PRMT3: variants seen among roughly 807,000 people sequenced by gnomAD.
PRMT3 encodes the protein protein arginine methyltransferase 3.
Under a neutral mutation model 71.9 loss-of-function variants are expected in PRMT3, and 62 were observed. The observed-to-expected ratio is 0.86, with a 90% confidence interval of 0.70 to 1.07. The LOEUF (loss-of-function observed/expected upper bound fraction) is 1.07. Ranked by LOEUF, PRMT3 falls within the 50% of genes least tolerant of loss-of-function variation. The probability of loss-of-function intolerance (pLI) is 0.00; values close to 1 mark genes in which losing one functional copy is unlikely to be tolerated. For missense variants in PRMT3, 663 were observed against 643.0 expected (o/e 1.03, Z -0.34); for synonymous variants, 213 against 220.4 (o/e 0.97, Z 0.30).
At position 20,389,784 on chromosome 11, in the gene PRMT3, T is replaced by C. The variant is rs756883748; in HGVS notation, c.205T>C (p.Ser69Pro). 1.7e-5 allele frequency: 27 copies of C among 1,612,584 alleles called. No individual in the cohort carries two copies. The East Asian group carries it at 3.6e-4, about 21-fold the overall frequency. Residue 69 changes from serine to proline, a missense_variant, in exon 3 of 16, where the codon TCT becomes CCT. Transcript: ENST00000331079. Reference protein sequence around the residue: ...SAEETFSHCKSEHQFNIDSMV... With the variant: ...SAEETFSHCKPEHQFNIDSMV... ...TGAAGAAACATTTTCACACTGTAAG[T>C]CTGAGCATCAGTTTAATATTGACAG...
rs188974160 is a variant in PRMT3 at position 20,447,365 on chromosome 11, G to A, written c.994-4765G>A. The stretch of plus-strand genomic sequence containing the variant: ...TGGGTTGGGTGGGGACAATGGTGCC[G>A]GTGAGTAGAGCCCAGGAATGCTGCT... On this transcript the variant is annotated intron_variant, in intron 10 of 15. Transcript: ENST00000331079. Among the ~76,000 whole-genome samples, 113 of 152,096 alleles carry A rather than the reference G, an allele frequency of 7.4e-4. 1 individual carries two copies. The highest frequency in any genetic ancestry group is 2.5e-3 in the African/African-American group (105 of 41,500).
At chr11:20,453,949 A>G (rs1427033751) in intron 11 of PRMT3, among the ~76,000 whole-genome samples, 3 of 152,196 alleles carry the variant, frequency 2.0e-5, no homozygotes, top group African/African-American at 7.2e-5. Flanking sequence ...AACATGGAGC[A>G]TTTCAGATTT....
At chr11:20,399,704 T>A (rs981780678) in intron 7 of PRMT3, among the ~76,000 whole-genome samples, 1 of 152,186 alleles carries the variant, frequency 6.6e-6, no homozygotes, top group Non-Finnish European at 1.5e-5. Flanking sequence ...TTGAGTGTTG[T>A]GAGTACAATC....
chr11:20,477,504 C>T (rs1407889172), intron 13 of PRMT3, among the ~76,000 whole-genome samples: 3 of 151,542 alleles, frequency 2.0e-5, no homozygotes, highest in Admixed American at 6.6e-5. Context: ...TCCAATGAGC[C>T]GACATAGCAC....
At chr11:20,436,991 A>G (rs796964322) in intron 10 of PRMT3, among the ~76,000 whole-genome samples, 2 of 152,110 alleles carry the variant, frequency 1.3e-5, no homozygotes, top group African/African-American at 4.8e-5. Flanking sequence ...TCCTGGTTCA[A>G]TCTTGGTAGG....
At chr11:20,473,799 G>A (rs537135653) in intron 13 of PRMT3, among the ~76,000 whole-genome samples, 2 of 152,040 alleles carry the variant, frequency 1.3e-5, no homozygotes, top group South Asian at 4.1e-4. Context: ...CCTTGCTGGA[G>A]AGGTGTTGCA....
At chr11:20,508,231 A>C in intron 15 of PRMT3, 73 bp from the exon 16 acceptor site, 2 of 710,722 alleles carry the variant, frequency 2.8e-6, no homozygotes. Context: ...AAGAAGTGCT[A>C]GTTATACATT....
chr11:20,472,140 T>G (rs1850661738), intron 13 of PRMT3, among the ~76,000 whole-genome samples: 1 of 152,212 alleles, frequency 6.6e-6, no homozygotes, highest in East Asian at 1.9e-4. Context: ...TCATGTCATC[T>G]GCAAACAAAG....
chr11:20,413,681 CTG>C (rs35939190), intron 9 of PRMT3, among the ~76,000 whole-genome samples: 8,963 of 152,188 alleles, frequency 0.059, 370 homozygotes, highest in Middle Eastern at 0.099. Context: ...TCTTGTCAAA[CTG>C]TGACTACTTT....
rs1454471029 is a variant in PRMT3 at position 20,392,921 on chromosome 11, T to A, written c.322T>A (p.Ser108Thr). 6.2e-7 allele frequency: 1 copy of A among 1,601,536 alleles called. No individual in the cohort carries two copies. The highest frequency in any genetic ancestry group is 1.7e-5 in the Admixed American group (1 of 59,940). ...GAATCCTACAGTTGAGTACATGAAT[T>A]CCATATACAACCCAGTGCCTTGGGA... ...LKNPTVEYMN[S>T]IYNPVPWEKE... Residue 108 changes from serine (S) to threonine (T), a missense_variant, in exon 5 of 16, where the codon TCC becomes ACC. Transcript: ENST00000331079.
Position 20,396,833 on chromosome 11 carries a change from G to C in PRMT3, c.561-744G>C. On this transcript the variant is annotated intron_variant, in intron 6 of 15. Transcript: ENST00000331079. Reference sequence around the variant, plus strand: ...TTCTGATTCAGAAGATTGAGAATAGGGCCTGAGATTCTGCATTTCTGACAA... The same window carrying C: ...TTCTGATTCAGAAGATTGAGAATAGCGCCTGAGATTCTGCATTTCTGACAA... Among the ~76,000 whole-genome samples the C allele has an allele frequency of 1.3e-5, 2 of 152,104 alleles. 1 individual carries two copies. The highest frequency in any genetic ancestry group is 2.9e-5 in the Non-Finnish European group (2 of 68,022).
At position 20,452,144 on chromosome 11, in the gene PRMT3, GT is replaced by G; in HGVS notation, c.1011del (p.Phe337LeufsTer5). 6.2e-7 allele frequency: 1 copy of G among 1,607,338 alleles called. No homozygotes were observed. The highest frequency in any genetic ancestry group is 1.1e-5 in the South Asian group (1 of 90,854). Reference protein sequence around the residue: ...ISEWMGYFLLFESMLDSVLYA... With the variant: ...ISEWMGYFLLXESMLDSVLYA... Reference sequence around the variant, plus strand: ...TTTTTATGCAGGGCTATTTTCTTCTGTTTGAGTCTATGTTAGATTCTGTCCT... The same window carrying G: ...TTTTTATGCAGGGCTATTTTCTTCTGTTGAGTCTATGTTAGATTCTGTCCT... On this transcript the variant is annotated frameshift_variant, in exon 11 of 16. Transcript: ENST00000331079. LOFTEE classifies it high-confidence loss of function.
At chr11:20,418,570 C>T (rs1417467054) in intron 9 of PRMT3, among the ~76,000 whole-genome samples, 4 of 152,054 alleles carry the variant, frequency 2.6e-5, no homozygotes, top group Admixed American at 1.3e-4. Context: ...TGGTCTTTTA[C>T]AGAACACAGA....
At position 20,509,043 on chromosome 11, in the gene PRMT3, T is replaced by A. The variant is rs1851665687; in HGVS notation, c.*630T>A. ...GTGACTATTCCTTAGCCTTATAGAT[T>A]TCTAGTACTGCCCAGGAAATCTAAT... On this transcript the variant is annotated 3_prime_UTR_variant, in exon 16 of 16. Transcript: ENST00000331079. 1 of 153,514 alleles carries A rather than the reference T, an allele frequency of 6.5e-6. No homozygotes were observed. The highest frequency in any genetic ancestry group is 2.0e-4 in the South Asian group (1 of 4,900). The allele number at this position is 153,514 out of a possible 1,614,324, so 9.5% of individuals were successfully genotyped here. A position where few individuals can be genotyped will look rare whatever the true frequency, so the allele number is the denominator to read the frequency against.
chr11:20,462,545 T>C lies in PRMT3; in HGVS notation c.1260+378T>C, dbSNP rs534753060. Among the ~76,000 whole-genome samples, 6 of 152,326 alleles carry C rather than the reference T, an allele frequency of 3.9e-5. 1 individual carries two copies. Among genetic ancestry groups the C allele is most frequent in the Admixed American group, 6.5e-5 (1 of 15,300 alleles). On this transcript the variant is annotated intron_variant, in intron 12 of 15. Transcript: ENST00000331079. ...AGCCAGATTATTCATTCGTGTCATATATTCCACACAGTTTAACTTCTCTCA... is the reference window on the plus strand; with the variant it reads ...AGCCAGATTATTCATTCGTGTCATACATTCCACACAGTTTAACTTCTCTCA...
intron 10 of PRMT3, among the ~76,000 whole-genome samples, chr11:20,433,669 G>A (rs1226305050): frequency 6.6e-6 from 1 of 151,996 alleles, no homozygotes; most frequent in Non-Finnish European, 1.5e-5. Context: ...CTCCCAGGCT[G>A]GAGTGCAGTG....
At chr11:20,436,046 AAAG>A (rs1282003750) in intron 10 of PRMT3, among the ~76,000 whole-genome samples, 1 of 152,192 alleles carries the variant, frequency 6.6e-6, no homozygotes, top group African/African-American at 2.4e-5. Flanking sequence ...CTCTTTGTTT[AAAG>A]TTATTCCTAA....
In PRMT3 at chr11:20,395,860, G is replaced by C; in HGVS notation, c.458G>C (p.Ser153Thr). 1 of 1,614,118 alleles carries C rather than the reference G, an allele frequency of 6.2e-7. No individual in the cohort carries two copies. The highest frequency in any genetic ancestry group is 8.5e-7 in the Non-Finnish European group (1 of 1,180,018). Residue 153 changes from serine (S) to threonine (T), a missense_variant, in exon 6 of 16, where the codon AGT becomes ACT. Coordinates refer to ENST00000331079, the MANE Select transcript of PRMT3 (RefSeq NM_005788.4). ...SVPFSYPNGL[S>T]ENTSVVEKLK... is the part of the protein sequence containing the mutation. ...CCCTTCTCATACCCCAATGGACTCAGTGAAAATACATCTGTTGTTGAAAAA... is the reference window on the plus strand; with the variant it reads ...CCCTTCTCATACCCCAATGGACTCACTGAAAATACATCTGTTGTTGAAAAA...
chr11:20,391,453 G>T (rs376242193), intron 3 of PRMT3, among the ~76,000 whole-genome samples: 1 of 152,134 alleles, frequency 6.6e-6, no homozygotes, highest in East Asian at 1.9e-4. Context: ...ATGTTGGTCA[G>T]GCTGGTCTGG....
Sources: gnomAD v4.1 joint callset for allele counts (sites outside exome capture counted in the v4.1 genomes callset) on GRCh38, gnomAD v4.1.1 for gene constraint, MANE v1.5 for transcripts, NCBI Gene and HGNC (gene_info 2026-07-23, HGNC 2026-07-21) for gene names.